The following NF1 variants were observed in gnomAD, a reference collection of about 807,000 sequenced individuals.
NF1 encodes neurofibromin 1, also known as neurofibromin.
In NF1, 122 loss-of-function variants were observed where a neutral mutation model predicts 325.7. That is an observed-to-expected ratio of 0.37 (90% CI 0.32 to 0.44). The LOEUF (loss-of-function observed/expected upper bound fraction) is 0.44. Ranked by LOEUF, NF1 falls within the 20% of genes least tolerant of loss-of-function variation. NF1 has a pLI of 1.00. For synonymous variants in NF1, 1,091 were observed against 1,186.0 expected (o/e 0.92, Z 1.65); for missense variants, 2,140 against 3,415.4 (o/e 0.63, Z 9.31).
intron 1 of NF1, among the ~76,000 whole-genome samples, chr17:31,149,334 G>A (rs984447295): frequency 5.3e-5 from 8 of 151,364 alleles, no homozygotes; most frequent in African/African-American, 9.7e-5. Context: ...ACAGAGTCTT[G>A]CTCTGTTGCC....
At chr17:31,305,205 G>A in intron 36 of NF1, 4 of 1,614,154 alleles carry the variant, frequency 2.5e-6, no homozygotes, top group Non-Finnish European at 3.4e-6. Flanking sequence ...GTGGTTGTGT[G>A]GTAGAAGTAC....
chr17:31,334,574 CT>C (rs2069591422), intron 39 of NF1: 5 of 423,704 alleles, frequency 1.2e-5, no homozygotes, highest in Non-Finnish European at 2.1e-5. Flanking sequence ...AATAAAACAA[CT>C]TTTTAACAAG....
chr17:31,236,111 T>C, intron 29 of NF1, 90 bp downstream of exon 29: 2 of 895,442 alleles, frequency 2.2e-6, no homozygotes, highest in Non-Finnish European at 3.7e-6. Flanking sequence ...CAAGGCACCT[T>C]CTCCCCTTGA....
At chr17:31,168,971 G>A (rs1351314265) in intron 4 of NF1, among the ~76,000 whole-genome samples, 3 of 152,070 alleles carry the variant, frequency 2.0e-5, no homozygotes, top group Non-Finnish European at 4.4e-5. Flanking sequence ...GTCCATGTAG[G>A]GAATGCAGGA....
intron 14 of NF1, among the ~76,000 whole-genome samples, chr17:31,220,132 A>C (rs1440005962): frequency 6.6e-6 from 1 of 152,182 alleles, no homozygotes; most frequent in South Asian, 2.1e-4. Context: ...TTTCTGAAGC[A>C]GCTGTATCAT....
chr17:31,314,198 A>G (rs919706419), intron 36 of NF1: 1 of 386,254 alleles, frequency 2.6e-6, no homozygotes, highest in Non-Finnish European at 4.6e-6. Context: ...CTTTAACAGA[A>G]CTTATTTTGA....
In NF1 at chr17:31,163,191, A is replaced by G. The variant is rs1445884708; in HGVS notation, c.294A>G (p.Pro98=). ...TGTGATTATTTCTATTTTAGCAACC[A>G]AAGGACACAATGAGATTAGATGAAA... ...DTLEKCLAGQ[P]KDTMRLDETM... The change falls in exon 4 of 58, where the codon CCA becomes CCG. Residue 98 remains proline, a synonymous_variant. Transcript: ENST00000358273. 1.2e-6 allele frequency: 2 copies of G among 1,613,978 alleles called. No individual in the cohort carries two copies. The highest frequency in any genetic ancestry group is 2.7e-5 in the African/African-American group (2 of 74,924).
chr17:31,130,658 G>C (rs991978302), intron 1 of NF1, among the ~76,000 whole-genome samples: 4 of 152,176 alleles, frequency 2.6e-5, no homozygotes, highest in African/African-American at 9.7e-5. Flanking sequence ...GGATGGCACT[G>C]GTGGGCTCTG....
At chr17:31,155,337 A>G (rs1364017316) in intron 1 of NF1, among the ~76,000 whole-genome samples, 1 of 152,136 alleles carries the variant, frequency 6.6e-6, no homozygotes, top group Non-Finnish European at 1.5e-5. Flanking sequence ...TGGTCTTCTC[A>G]TAGAATATTT....
intron 5 of NF1, among the ~76,000 whole-genome samples, chr17:31,172,865 G>C (rs1404383606): frequency 6.6e-6 from 1 of 152,132 alleles, no homozygotes; most frequent in Non-Finnish European, 1.5e-5. Context: ...TGGCTTGGTA[G>C]AGGGTTACCT....
In NF1 at chr17:31,338,146, GTTCCGCCCTCAC is replaced by G; in HGVS notation, c.6819+11_6819+22del. The G allele has an allele frequency of 6.3e-7, 1 of 1,581,424 alleles. No individual in the cohort carries two copies. The highest frequency in any genetic ancestry group is 8.7e-7 in the Non-Finnish European group (1 of 1,150,300). On this transcript the variant is annotated splice_region_variant and intron_variant, in intron 45 of 57. Coordinates refer to ENST00000358273, the MANE Select transcript of NF1 (RefSeq NM_001042492.3). ...AATCCGTATTCTTAGCAAGGTACCT[GTTCCGCCCTCAC>G]TTCTCCCAAATATTTATGGTTCTCA...
chr17:31,113,123 T>C (rs1027801420), intron 1 of NF1, among the ~76,000 whole-genome samples: 1 of 152,214 alleles, frequency 6.6e-6, no homozygotes, highest in Non-Finnish European at 1.5e-5. Flanking sequence ...AAAGCCAGTT[T>C]TGATAGAGAT....
At chr17:31,194,451 G>A (rs2066401096) in intron 8 of NF1, among the ~76,000 whole-genome samples, 1 of 152,034 alleles carries the variant, frequency 6.6e-6, no homozygotes, top group Non-Finnish European at 1.5e-5. Flanking sequence ...GATAGGAAGA[G>A]TAAGTTCTAG....
chr17:31,341,134 A>T (rs2069811250), intron 47 of NF1, among the ~76,000 whole-genome samples: 1 of 152,212 alleles, frequency 6.6e-6, no homozygotes, highest in South Asian at 2.1e-4. Flanking sequence ...AAAAATACGT[A>T]TAATTCATAG....
chr17:31,263,103 G>GA (rs2067718887), intron 35 of NF1, among the ~76,000 whole-genome samples: 2 of 59,534 alleles, frequency 3.4e-5, no homozygotes, highest in East Asian at 4.4e-4. Flanking sequence ...AGGTAGGTAG[G>GA]TAGGTAGATA....
chr17:31,300,741 AT>A (rs2068556318), intron 36 of NF1, among the ~76,000 whole-genome samples: 1 of 152,088 alleles, frequency 6.6e-6, no homozygotes, highest in African/African-American at 2.4e-5. Flanking sequence ...CTCTCCATTG[AT>A]TATACCATTT....
intron 8 of NF1, among the ~76,000 whole-genome samples, chr17:31,184,415 C>T (rs1416328850): frequency 2.0e-5 from 3 of 151,608 alleles, no homozygotes; most frequent in South Asian, 4.2e-4. Flanking sequence ...TTTGGGAGGC[C>T]GAGGCGGGCG....
chr17:31,182,623 G>A lies in NF1; in HGVS notation c.846G>A (p.Gln282=), dbSNP rs138840528. 5,902 of 1,613,864 alleles carry A rather than the reference G, an allele frequency of 3.7e-3. 90 individuals are homozygous for A. The highest frequency in any genetic ancestry group is 0.033 in the South Asian group (2,972 of 91,024). Residue 282 remains glutamine (Q), a synonymous_variant, in exon 8 of 58, where the codon CAG becomes CAA. Coordinates refer to ENST00000358273, the MANE Select transcript of NF1 (RefSeq NM_001042492.3). ...ILLILCPEII[Q]DISKDVVDEN... ...TTATCTTGTGTCCAGAAATAATCCA[G>A]GATATATCCAAAGACGTGGTTGATG...
chr17:31,263,055 G>A (rs1444044250), intron 35 of NF1, among the ~76,000 whole-genome samples: 28 of 148,228 alleles, frequency 1.9e-4, no homozygotes, highest in Admixed American at 1.3e-4. Context: ...AGGTAGGTAG[G>A]TAGGTAGGTA....
Sources: gnomAD v4.1 joint callset for allele counts (sites outside exome capture counted in the v4.1 genomes callset) on GRCh38, gnomAD v4.1.1 for gene constraint, MANE v1.5 for transcripts, NCBI Gene and HGNC (gene_info 2026-07-23, HGNC 2026-07-21) for gene names.